Variants in CCSER1 observed in about 807,000 individuals in gnomAD.
CCSER1 encodes the protein coiled-coil serine rich protein 1.
CCSER1 carries 41 observed loss-of-function variants against 82.0 expected under a neutral mutation model. The observed-to-expected ratio is 0.50, with a 90% CI of 0.39 to 0.65. CCSER1 has a LOEUF of 0.65. Among genes scored for constraint, CCSER1 ranks in the 30% least tolerant of loss-of-function variants. The pLI, the probability that CCSER1 is intolerant of heterozygous loss-of-function variation, is 0.00. For missense variants in CCSER1, 1,119 were observed against 1,064.2 expected (o/e 1.05, Z -0.72); for synonymous variants, 414 against 383.9 (o/e 1.08, Z -0.92).
At chr4:91,495,465 A>G (rs1758749639) in intron 10 of CCSER1, among the ~76,000 whole-genome samples, 1 of 151,264 alleles carries the variant, frequency 6.6e-6, no homozygotes, top group African/African-American at 2.4e-5. Flanking sequence ...ATTTTATTTT[A>G]TTAGGACCAT....
At chr4:90,638,243 A>T (rs2148967899) in intron 6 of CCSER1, among the ~76,000 whole-genome samples, 1 of 152,082 alleles carries the variant, frequency 6.6e-6, no homozygotes, top group East Asian at 1.9e-4. Flanking sequence ...TAAGATAATA[A>T]TTTTTTTTAA....
chr4:91,105,152 T>A (rs1725475835), intron 10 of CCSER1, among the ~76,000 whole-genome samples: 3 of 151,492 alleles, frequency 2.0e-5, no homozygotes, highest in South Asian at 4.1e-4. Flanking sequence ...AAGTATTTCT[T>A]TTCTGTGTCA....
intron 10 of CCSER1, among the ~76,000 whole-genome samples, chr4:91,339,639 CTT>C (rs2149285956): frequency 6.6e-6 from 1 of 152,182 alleles, no homozygotes; most frequent in Admixed American, 6.5e-5. Flanking sequence ...CCACTTTTTT[CTT>C]TACCAAAATC....
chr4:91,136,773 G>A (rs946023896), intron 10 of CCSER1, among the ~76,000 whole-genome samples: 25 of 151,872 alleles, frequency 1.6e-4, no homozygotes, highest in South Asian at 4.1e-4. Flanking sequence ...TTATTTTTAC[G>A]AAACTACTTG....
intron 10 of CCSER1, among the ~76,000 whole-genome samples, chr4:91,144,447 G>T (rs901956915): frequency 6.6e-6 from 1 of 151,366 alleles, no homozygotes; most frequent in African/African-American, 2.4e-5. Flanking sequence ...GAATTTTTGG[G>T]TCTCAATTTC....
chr4:90,987,644 T>A (rs1441415477), intron 9 of CCSER1, among the ~76,000 whole-genome samples: 1 of 151,776 alleles, frequency 6.6e-6, no homozygotes, highest in Non-Finnish European at 1.5e-5. Flanking sequence ...TTAATTCAAC[T>A]TGTGTTTTTT....
intron 10 of CCSER1, among the ~76,000 whole-genome samples, chr4:91,490,729 A>G (rs950405020): frequency 2.0e-5 from 3 of 149,860 alleles, no homozygotes; most frequent in African/African-American, 7.4e-5. Flanking sequence ...ACAGTAATCT[A>G]GTATATGTTT....
At chr4:90,718,354 TATAA>T (rs1742028479) in intron 6 of CCSER1, among the ~76,000 whole-genome samples, 1 of 152,114 alleles carries the variant, frequency 6.6e-6, no homozygotes, top group Non-Finnish European at 1.5e-5. Context: ...AAGAAATCCT[TATAA>T]ATAAACTTTA....
intron 10 of CCSER1, among the ~76,000 whole-genome samples, chr4:91,159,139 C>G (rs1731117141): frequency 6.6e-6 from 1 of 151,890 alleles, no homozygotes; most frequent in Non-Finnish European, 1.5e-5. Context: ...CCCTCACTAT[C>G]TTTAATTTTG....
At chr4:91,259,911 TA>T (rs542910466) in intron 10 of CCSER1, among the ~76,000 whole-genome samples, 118 of 152,332 alleles carry the variant, frequency 7.7e-4, no homozygotes, top group African/African-American at 2.8e-3. Flanking sequence ...CATGTGCATG[TA>T]AGACCTTGGT....
rs1560578923 is a variant in CCSER1, at chr4:90,477,691, T to C, written c.1724+9337T>C. 3.9e-5 allele frequency among the ~76,000 whole-genome samples: 6 copies of C among 152,226 alleles called. No homozygotes were observed. The South Asian group carries it at 1.2e-3, about 32-fold the overall frequency. On this transcript the variant is annotated intron_variant, in intron 5 of 10. Transcript: ENST00000509176. ...TTTACAACAAATGTTTCCTGGTTTTTTTTTTATCTTCTATTTTACTTAGAA... is the reference window on the plus strand; with the variant it reads ...TTTACAACAAATGTTTCCTGGTTTTCTTTTTATCTTCTATTTTACTTAGAA...
At chr4:90,671,471 G>T (rs1688858495) in intron 6 of CCSER1, among the ~76,000 whole-genome samples, 1 of 152,018 alleles carries the variant, frequency 6.6e-6, no homozygotes, top group African/African-American at 2.4e-5. Flanking sequence ...CTGCTCATCT[G>T]TAAGAAGCAA....
At chr4:90,727,279 G>T (rs1369716679) in intron 7 of CCSER1, 1 of 455,840 alleles carries the variant, frequency 2.2e-6, no homozygotes, top group Admixed American at 2.4e-5. Context: ...AGAGCCAAAG[G>T]ATAACCAATT....
chr4:91,358,918 C>T (rs1316364335), intron 10 of CCSER1, among the ~76,000 whole-genome samples: 2 of 152,070 alleles, frequency 1.3e-5, no homozygotes, highest in South Asian at 2.1e-4. Flanking sequence ...CTCAGCTATC[C>T]ATCAGTCACC....
chr4:90,605,245 C>T (rs1784539746), intron 5 of CCSER1, among the ~76,000 whole-genome samples: 1 of 152,182 alleles, frequency 6.6e-6, no homozygotes, highest in African/African-American at 2.4e-5. Context: ...CCACGAGGGT[C>T]TGCAGCTTCA....
At chr4:91,172,028 T>G (rs892049252) in intron 10 of CCSER1, among the ~76,000 whole-genome samples, 1 of 152,108 alleles carries the variant, frequency 6.6e-6, no homozygotes, top group African/African-American at 2.4e-5. Flanking sequence ...TTCAATAACA[T>G]TATACATTGC....
intron 10 of CCSER1, among the ~76,000 whole-genome samples, chr4:91,566,844 G>A (rs61239635): frequency 0.017 from 2,536 of 152,036 alleles, 74 homozygotes; most frequent in African/African-American, 0.058. Flanking sequence ...ACCAACTCCT[G>A]AATTCATTGA....
chr4:91,298,103 T>C (rs145205050), intron 10 of CCSER1, among the ~76,000 whole-genome samples: 73 of 152,086 alleles, frequency 4.8e-4, no homozygotes, highest in African/African-American at 1.5e-3. Flanking sequence ...TGACAAATAA[T>C]AAAGAGTTTT....
At chr4:90,646,582 A>G (rs1042432634) in intron 6 of CCSER1, among the ~76,000 whole-genome samples, 4 of 152,212 alleles carry the variant, frequency 2.6e-5, no homozygotes, top group Non-Finnish European at 5.9e-5. Flanking sequence ...GTATGTCTGC[A>G]TTCAAACATT....
Sources: allele counts gnomAD v4.1 joint callset (sites outside exome capture counted in the v4.1 genomes callset), GRCh38; gene constraint gnomAD v4.1.1; transcripts MANE v1.5; gene names NCBI Gene and HGNC (gene_info 2026-07-23, HGNC 2026-07-21).